DPP6: variants seen among roughly 807,000 people sequenced by gnomAD.
DPP6 encodes the protein dipeptidyl peptidase like 6, also known as A-type potassium channel modulatory protein DPP6.
A neutral mutation model predicts 122.6 loss-of-function variants in DPP6; 69 were observed. That is an observed-to-expected ratio of 0.56 (90% CI 0.46 to 0.69). The LOEUF (loss-of-function observed/expected upper bound fraction) is 0.69, where lower values mean the gene tolerates loss of function less well. Ranked by LOEUF, DPP6 falls within the 30% of genes least tolerant of loss-of-function variation. The probability of loss-of-function intolerance (pLI) is 0.00; values close to 1 mark genes in which losing one functional copy is unlikely to be tolerated. For synonymous variants in DPP6, 418 were observed against 433.1 expected, an observed-to-expected ratio of 0.97 and a Z score of 0.43; for missense variants, 928 against 1,116.9, an observed-to-expected ratio of 0.83 and a Z score of 2.41.
chr7:154,291,212 C>T (rs894995206), intron 1 of DPP6, among the ~76,000 whole-genome samples: 1 of 152,182 alleles, frequency 6.6e-6, no homozygotes, highest in Non-Finnish European at 1.5e-5. Flanking sequence ...TGCCCATCAC[C>T]ACCACCCTAA....
chr7:153,785,074 C>T, the DPP6 span, among the ~76,000 whole-genome samples: 1 of 152,062 alleles, frequency 6.6e-6, no homozygotes, highest in Non-Finnish European at 1.5e-5. Context: ...TCTTGTCATC[C>T]CTGTTGTTAC....
intron 1 of DPP6, among the ~76,000 whole-genome samples, chr7:154,423,075 C>T (rs577846552): frequency 8.5e-5 from 13 of 152,190 alleles, no homozygotes; most frequent in Admixed American, 2.0e-4. Context: ...AGAAAATCTG[C>T]GCCCTCTTTC....
At chr7:154,613,436 A>G (rs1834030044) in intron 5 of DPP6, among the ~76,000 whole-genome samples, 1 of 151,884 alleles carries the variant, frequency 6.6e-6, no homozygotes, top group Non-Finnish European at 1.5e-5. Context: ...CCTGACCAAC[A>G]TGGTGAAACC....
intron 1 of DPP6, among the ~76,000 whole-genome samples, chr7:153,961,328 C>T (rs1795340141): frequency 8.8e-6 from 1 of 113,550 alleles, no homozygotes; most frequent in African/African-American, 3.9e-5. Flanking sequence ...GGTTCATGTC[C>T]TTTTTCCTCA....
At chr7:154,232,427 A>T (rs1800970760) in intron 1 of DPP6, among the ~76,000 whole-genome samples, 1 of 152,196 alleles carries the variant, frequency 6.6e-6, no homozygotes, top group Non-Finnish European at 1.5e-5. Flanking sequence ...TGGTGTCAGG[A>T]CCTCAATCCC....
intron 1 of DPP6, among the ~76,000 whole-genome samples, chr7:154,018,156 G>C (rs1256996933): frequency 7.9e-5 from 12 of 151,856 alleles, no homozygotes; most frequent in Non-Finnish European, 1.8e-4. Context: ...GCCACCACGA[G>C]GCCCCCTATC....
intron 5 of DPP6, among the ~76,000 whole-genome samples, chr7:154,611,261 T>C (rs1316534235): frequency 1.3e-5 from 2 of 152,238 alleles, no homozygotes. Context: ...TTAGTTCAGA[T>C]AAATGATGTT....
At chr7:154,362,852 G>T (rs1412344982) in intron 1 of DPP6, among the ~76,000 whole-genome samples, 3 of 152,204 alleles carry the variant, frequency 2.0e-5, no homozygotes, top group Non-Finnish European at 2.9e-5. Flanking sequence ...GCTGCTCCGA[G>T]TGCAGCCCTG....
At chr7:153,974,903 C>T (rs1464268940) in intron 1 of DPP6, among the ~76,000 whole-genome samples, 1 of 152,224 alleles carries the variant, frequency 6.6e-6, no homozygotes, top group Non-Finnish European at 1.5e-5. Context: ...TAAGTTGTCA[C>T]TCTGGAGTGT....
intron 1 of DPP6, among the ~76,000 whole-genome samples, chr7:154,425,604 A>AAAAGTACACACATCCAGG (rs60604834): frequency 1.6e-5 from 2 of 128,236 alleles, no homozygotes; most frequent in Non-Finnish European, 3.2e-5. Context: ...GGGGAAAAAA[A>AAAAGTACACACATCCAGG]TGTGTGTGTG....
intron 5 of DPP6, among the ~76,000 whole-genome samples, chr7:154,579,851 A>G (rs968416978): frequency 2.0e-5 from 3 of 152,138 alleles, no homozygotes; most frequent in Non-Finnish European, 2.9e-5. Flanking sequence ...AGGCAGAGAC[A>G]CGGTAAGGAG....
At chr7:154,385,620 A>G (rs1477541918) in intron 1 of DPP6, among the ~76,000 whole-genome samples, 2 of 152,194 alleles carry the variant, frequency 1.3e-5, no homozygotes, top group African/African-American at 4.8e-5. Context: ...GTTCAGCTGC[A>G]ACCCTGGCTG....
intron 3 of DPP6, chr7:154,476,021 T>C (rs1822704709): frequency 6.6e-6 from 1 of 152,248 alleles, no homozygotes; most frequent in Non-Finnish European, 1.5e-5. Flanking sequence ...TGATCGAGTG[T>C]CGTTGTATGT....
chr7:154,230,271 A>G (rs1022911642), intron 1 of DPP6, among the ~76,000 whole-genome samples: 2 of 152,204 alleles, frequency 1.3e-5, no homozygotes, highest in African/African-American at 2.4e-5. Context: ...CTTAATAGGA[A>G]GTAGGTAAAG....
chr7:154,614,154 G>A (rs1457988344), intron 5 of DPP6, among the ~76,000 whole-genome samples: 1 of 152,142 alleles, frequency 6.6e-6, no homozygotes, highest in African/African-American at 2.4e-5. Flanking sequence ...CAGCAGTGTG[G>A]CTCTCCTTCC....
chr7:154,441,284 T>C (rs1287730644), intron 1 of DPP6, among the ~76,000 whole-genome samples: 2 of 152,214 alleles, frequency 1.3e-5, no homozygotes, highest in African/African-American at 4.8e-5. Context: ...GAGTAGGAAA[T>C]GCAATGCACT....
chr7:153,919,248 A>C (rs1281431896), intron 1 of DPP6, among the ~76,000 whole-genome samples: 1 of 152,010 alleles, frequency 6.6e-6, no homozygotes, highest in East Asian at 1.9e-4. Context: ...AGGTGATCTG[A>C]CTCTATGTCA....
rs546780112 is a variant in DPP6, at chr7:154,666,735, C to T, written c.681-2625C>T. Among the ~76,000 whole-genome samples the T allele has an allele frequency of 5.9e-5, 9 of 152,214 alleles. No individual in the cohort carries two copies. In the South Asian group the frequency reaches 1.2e-3, roughly 21 times the overall value. On this transcript the variant is annotated intron_variant, in intron 6 of 25. Coordinates refer to ENST00000377770, the MANE Select transcript of DPP6 (RefSeq NM_130797.4). ...TCAGCCTTAAAAAAGAAGGATGTAC[C>T]GTCATTTATTCAACCACATATTGTT...
chr7:154,425,668 A>G (rs1817858125), intron 1 of DPP6, among the ~76,000 whole-genome samples: 1 of 148,738 alleles, frequency 6.7e-6, no homozygotes, highest in Non-Finnish European at 1.5e-5. Flanking sequence ...ACTGAGATGG[A>G]GTCTCATTCT....
Sources: allele counts gnomAD v4.1 joint callset (sites outside exome capture counted in the v4.1 genomes callset), GRCh38; gene constraint gnomAD v4.1.1; transcripts MANE v1.5; gene names NCBI Gene and HGNC (gene_info 2026-07-23, HGNC 2026-07-21).